Variants in MACROD2 observed in about 807,000 individuals in gnomAD.
The protein encoded by MACROD2 is mono-ADP ribosylhydrolase 2, also known as ADP-ribose glycohydrolase MACROD2.
In MACROD2, 36 loss-of-function variants were observed where a neutral mutation model predicts 70.4. The ratio of observed to expected loss-of-function variants is 0.51; its 90% CI spans 0.39 to 0.68. MACROD2 has a LOEUF of 0.68. Among genes scored for constraint, MACROD2 ranks in the 30% least tolerant of loss-of-function variants. The probability of loss-of-function intolerance (pLI) is 0.00; values close to 1 mark genes in which losing one functional copy is unlikely to be tolerated. For missense variants in MACROD2, 496 were observed against 538.4 expected (o/e 0.92, Z 0.78); for synonymous variants, 172 against 178.8 (o/e 0.96, Z 0.30).
intron 3 of MACROD2, among the ~76,000 whole-genome samples, chr20:14,220,730 G>A (rs2081665218): frequency 6.6e-6 from 1 of 152,138 alleles, no homozygotes; most frequent in African/African-American, 2.4e-5. Flanking sequence ...ATTTTGCTTG[G>A]CTCTCCAGAT....
At chr20:15,527,886 T>C (rs938120020) in intron 8 of MACROD2, among the ~76,000 whole-genome samples, 1 of 152,232 alleles carries the variant, frequency 6.6e-6, no homozygotes, top group African/African-American at 2.4e-5. Context: ...TCCATAGCAC[T>C]TATCAACACT....
intron 8 of MACROD2, among the ~76,000 whole-genome samples, chr20:15,585,794 G>A (rs915317450): frequency 5.3e-5 from 8 of 151,544 alleles, no homozygotes; most frequent in African/African-American, 1.9e-4. Flanking sequence ...CACACTTCCT[G>A]GGACTACCTC....
At chr20:15,616,374 G>T (rs964328764) in intron 8 of MACROD2, among the ~76,000 whole-genome samples, 4 of 151,984 alleles carry the variant, frequency 2.6e-5, no homozygotes, top group African/African-American at 9.7e-5. Flanking sequence ...AAAGTGCTAG[G>T]ATTATAGGCG....
chr20:14,454,859 T>C (rs897608796), intron 3 of MACROD2, among the ~76,000 whole-genome samples: 2 of 151,026 alleles, frequency 1.3e-5, no homozygotes, highest in Non-Finnish European at 2.9e-5. Context: ...CTCACGCCAT[T>C]CTCCTGCCTC....
chr20:14,542,198 C>T (rs1296987941), intron 4 of MACROD2, among the ~76,000 whole-genome samples: 8 of 152,182 alleles, frequency 5.3e-5, no homozygotes, highest in African/African-American at 7.2e-5. Context: ...TTTCCCTCAC[C>T]GCACTCCTAT....
chr20:15,644,047 A>AT (rs1462308900), intron 8 of MACROD2, among the ~76,000 whole-genome samples: 11 of 152,268 alleles, frequency 7.2e-5, no homozygotes, highest in Admixed American at 3.3e-4. Context: ...GACATATACC[A>AT]TACCTACTTA....
chr20:15,586,409 G>A (rs900914387), intron 8 of MACROD2, among the ~76,000 whole-genome samples: 1 of 152,206 alleles, frequency 6.6e-6, no homozygotes. Flanking sequence ...GTTTGCATCT[G>A]AGATAAAGCA....
intron 7 of MACROD2, among the ~76,000 whole-genome samples, chr20:15,432,878 A>G (rs537793575): frequency 6.6e-5 from 10 of 152,096 alleles, no homozygotes; most frequent in Admixed American, 3.9e-4. Flanking sequence ...ATGGTATACT[A>G]TAAGTAGGGG....
intron 7 of MACROD2, among the ~76,000 whole-genome samples, chr20:15,433,033 G>A (rs6043275): frequency 0.66 from 100,863 of 151,754 alleles, 34,657 homozygotes; most frequent in African/African-American, 0.82. Flanking sequence ...TCAACAAAAT[G>A]GGCATAGAAG....
At chr20:14,231,878 C>T (rs2081816767) in intron 3 of MACROD2, among the ~76,000 whole-genome samples, 1 of 152,186 alleles carries the variant, frequency 6.6e-6, no homozygotes, top group Admixed American at 6.5e-5. Context: ...ATTTGCATTT[C>T]TCTGATGGCC....
chr20:15,714,699 A>G lies in MACROD2; in HGVS notation c.646-148046A>G, dbSNP rs188091012. On this transcript the variant is annotated intron_variant, in intron 8 of 17. Coordinates refer to ENST00000684519, the MANE Select transcript of MACROD2 (RefSeq NM_001351661.2). ...GCATCTTTGTACAAACTTGTGCCAT[A>G]TACTTTTTAAAAATTTTTACTAATA... Among the ~76,000 whole-genome samples, 197 of 152,284 alleles carry G rather than the reference A, an allele frequency of 1.3e-3. 5 individuals are homozygous for G. Among genetic ancestry groups the G allele is most frequent in the Admixed American group, 0.013 (195 of 15,288 alleles).
intron 3 of MACROD2, among the ~76,000 whole-genome samples, chr20:14,302,258 T>C (rs1280672629): frequency 6.6e-6 from 1 of 152,218 alleles, no homozygotes; most frequent in Non-Finnish European, 1.5e-5. Context: ...GTTGTTGGAC[T>C]GTACTCCCTG....
At chr20:15,779,124 C>T (rs62194716) in intron 8 of MACROD2, among the ~76,000 whole-genome samples, 30,208 of 151,958 alleles carry the variant, frequency 0.2, 3,076 homozygotes, top group Non-Finnish European at 0.22. Flanking sequence ...ATGGGGATCC[C>T]AGGAGTTACC....
intron 8 of MACROD2, among the ~76,000 whole-genome samples, chr20:15,805,578 G>C (rs1449499843): frequency 6.6e-6 from 1 of 151,942 alleles, no homozygotes; most frequent in Non-Finnish European, 1.5e-5. Flanking sequence ...CTGGGTTCAA[G>C]TGATTCTCCT....
intron 3 of MACROD2, among the ~76,000 whole-genome samples, chr20:14,092,219 G>A (rs559951106): frequency 2.0e-5 from 3 of 151,838 alleles, no homozygotes; most frequent in Admixed American, 6.6e-5. Flanking sequence ...GTTTGAATCA[G>A]CATCATCATT....
intron 8 of MACROD2, among the ~76,000 whole-genome samples, chr20:15,734,243 G>A (rs964703925): frequency 1.3e-5 from 2 of 152,148 alleles, no homozygotes; most frequent in East Asian, 1.9e-4. Flanking sequence ...GAAGCATGAC[G>A]CCAGAGAGAA....
intron 8 of MACROD2, among the ~76,000 whole-genome samples, chr20:15,624,608 TTGAA>T (rs2049175708): frequency 1.3e-5 from 2 of 152,026 alleles, no homozygotes; most frequent in African/African-American, 2.4e-5. Context: ...TAAAGTTTTA[TTGAA>T]ACACAGCCAT....
chr20:14,569,173 T>G (rs1980016916), intron 4 of MACROD2, among the ~76,000 whole-genome samples: 1 of 152,082 alleles, frequency 6.6e-6, no homozygotes, highest in Admixed American at 6.6e-5. Flanking sequence ...CTGGTATTTC[T>G]GACAGAATGC....
At chr20:15,581,588 A>G (rs1006360005) in intron 8 of MACROD2, among the ~76,000 whole-genome samples, 1 of 152,240 alleles carries the variant, frequency 6.6e-6, no homozygotes, top group Non-Finnish European at 1.5e-5. Flanking sequence ...CAGTAATTGC[A>G]GGAAAGAGCC....
Sources: allele counts gnomAD v4.1 joint callset (sites outside exome capture counted in the v4.1 genomes callset), GRCh38; gene constraint gnomAD v4.1.1; transcripts MANE v1.5; gene names NCBI Gene and HGNC (gene_info 2026-07-23, HGNC 2026-07-21).